The following CADPS2 variants were observed in gnomAD, a reference collection of about 807,000 sequenced individuals.
The protein encoded by CADPS2 is calcium dependent secretion activator 2.
In CADPS2, 93 loss-of-function variants were observed where a neutral mutation model predicts 172.5. The observed-to-expected ratio is 0.54, with a 90% CI of 0.46 to 0.64. The LOEUF is 0.64. Ranked by LOEUF, CADPS2 falls within the 30% of genes least tolerant of loss-of-function variation. The probability of loss-of-function intolerance (pLI) is 0.00; values close to 1 mark genes in which losing one functional copy is unlikely to be tolerated. For missense variants in CADPS2, 1,420 were observed against 1,565.9 expected, an observed-to-expected ratio of 0.91 and a Z score of 1.57; for synonymous variants, 546 against 555.2, an observed-to-expected ratio of 0.98 and a Z score of 0.23.
intron 28 of CADPS2, 90 bp from the exon 29 acceptor site, chr7:122,325,671 G>A (rs1333527106): frequency 1.4e-6 from 1 of 731,890 alleles, no homozygotes. Context: ...TAATGAGGGG[G>A]TAATAAAACA....
chr7:122,745,519 T>C lies in CADPS2; in HGVS notation c.340-8451A>G, dbSNP rs551726493. Among the ~76,000 whole-genome samples the C allele has an allele frequency of 1.5e-4, 23 of 151,774 alleles. No homozygotes were observed. In the East Asian group the frequency reaches 2.8e-3, roughly 18 times the overall value. On this transcript the variant is annotated intron_variant, in intron 1 of 29. Coordinates refer to ENST00000449022, the MANE Select transcript of CADPS2 (RefSeq NM_017954.11). Reference sequence around the variant, plus strand: ...GTTTATCCCTACGCAATGTGTTGTATACAGCTTGTAGGCATTTATTTGCTT... The same window carrying C: ...GTTTATCCCTACGCAATGTGTTGTACACAGCTTGTAGGCATTTATTTGCTT...
At position 122,340,730 on chromosome 7, in the gene CADPS2, G is replaced by T. The variant is rs142754440; in HGVS notation, c.3612+4844C>A. ...TGCCTGGGAAGAAACATCACAGTAG[G>T]CATTAAAAATGGAATTGAAGAATTA... On this transcript the variant is annotated intron_variant, in intron 28 of 29. Coordinates refer to ENST00000449022, the MANE Select transcript of CADPS2 (RefSeq NM_017954.11). 2.3e-3 allele frequency among the ~76,000 whole-genome samples: 345 copies of T among 152,080 alleles called. 1 individual carries two copies. Among genetic ancestry groups the T allele is most frequent in the African/African-American group, 8.1e-3 (335 of 41,488 alleles).
chr7:122,841,142 A>G (rs938344123), intron 1 of CADPS2, among the ~76,000 whole-genome samples: 10 of 152,200 alleles, frequency 6.6e-5, no homozygotes, highest in Non-Finnish European at 1.3e-4. Flanking sequence ...GTTAATGCCT[A>G]TATTTCTTGG....
chr7:122,581,219 C>T lies in CADPS2; in HGVS notation c.1295G>A (p.Ser432Asn). 2 of 1,613,284 alleles carry T rather than the reference C, an allele frequency of 1.2e-6. No homozygotes were observed. The highest frequency in any genetic ancestry group is 1.7e-6 in the Non-Finnish European group (2 of 1,179,420). ...ATCTTCCAGGGCCAGAACTCCAGTG[C>T]TTTCTGTGAAGAGTTTCACTTTGAC... The part of the protein sequence containing the change: ...PVVKVKLFTE[S>N]TGVLALEDKE... Residue 432 changes from serine (S) to asparagine (N), a missense_variant, in exon 7 of 30, where the codon AGC becomes AAC. Transcript: ENST00000449022.
At chr7:122,429,913 CACAA>C (rs925649958) in intron 17 of CADPS2, among the ~76,000 whole-genome samples, 10 of 151,762 alleles carry the variant, frequency 6.6e-5, no homozygotes, top group African/African-American at 2.2e-4. Context: ...GGCCTCTAGA[CACAA>C]ACATTCTTAA....
At chr7:122,812,104 C>T (rs1161659869) in intron 1 of CADPS2, among the ~76,000 whole-genome samples, 1 of 151,670 alleles carries the variant, frequency 6.6e-6, no homozygotes, top group Non-Finnish European at 1.5e-5. Flanking sequence ...TTCTACTTGT[C>T]CTAATGTCTT....
In CADPS2 at chr7:122,513,258, A is replaced by C; in HGVS notation, c.1533T>G (p.Val511=). 1 of 1,559,708 alleles carries C rather than the reference A, an allele frequency of 6.4e-7. No homozygotes were observed. Among genetic ancestry groups the C allele is most frequent in the Non-Finnish European group, 8.7e-7 (1 of 1,150,254 alleles). The stretch of plus-strand genomic sequence containing the variant: ...GGAAAAAATGACTAACCTGAACTAG[A>C]ACAAAGTAACGTTTTTTCCATCTTT... The part of the protein sequence containing the change: ...VWKRWKKRYF[V]LVQVSQYTFA... Residue 511 remains valine, a synonymous_variant, in exon 9 of 30, where the codon GTT becomes GTG. Transcript: ENST00000449022.
At chr7:122,356,185 T>C (rs896213179) in intron 27 of CADPS2, among the ~76,000 whole-genome samples, 36 of 152,212 alleles carry the variant, frequency 2.4e-4, no homozygotes, top group African/African-American at 8.7e-4. Context: ...AGTAATTTGG[T>C]CTCCTTGGAC....
intron 6 of CADPS2, among the ~76,000 whole-genome samples, chr7:122,589,052 C>CT (rs2070281175): frequency 6.6e-6 from 1 of 151,890 alleles, no homozygotes; most frequent in Admixed American, 6.6e-5. Flanking sequence ...TGCCAATGAG[C>CT]TGTAGTATCC....
rs1371386531 is a variant in CADPS2 at position 122,543,613 on chromosome 7, G to C, written c.1475+10937C>G. ...CTGAGCTGGTGAGACAAATAGGAGG[G>C]TGGATGTTATAATTTTATAGTAGGG... is the stretch of plus-strand genomic sequence containing the variant. On this transcript the variant is annotated intron_variant, in intron 8 of 29. Coordinates refer to ENST00000449022, the MANE Select transcript of CADPS2 (RefSeq NM_017954.11). 4.6e-5 allele frequency among the ~76,000 whole-genome samples: 7 copies of C among 152,114 alleles called. No individual in the cohort carries two copies. In the East Asian group the frequency reaches 1.4e-3, roughly 29 times the overall value.
intron 7 of CADPS2, among the ~76,000 whole-genome samples, chr7:122,580,881 T>G (rs1393868551): frequency 6.6e-6 from 1 of 152,072 alleles, no homozygotes; most frequent in African/African-American, 2.4e-5. Flanking sequence ...AAGAGCAAGT[T>G]GGCCAGCACC....
chr7:122,403,189 T>C (rs1168998190), intron 20 of CADPS2, among the ~76,000 whole-genome samples: 3 of 152,092 alleles, frequency 2.0e-5, no homozygotes, highest in South Asian at 2.1e-4. Context: ...GGAAGAATTA[T>C]GTTTTATCAG....
At chr7:122,424,697 G>A (rs1377475424) in intron 17 of CADPS2, among the ~76,000 whole-genome samples, 1 of 152,200 alleles carries the variant, frequency 6.6e-6, no homozygotes, top group Non-Finnish European at 1.5e-5. Flanking sequence ...TTATGAGGCG[G>A]GAAACACATT....
chr7:122,790,296 G>A (rs1010428663), intron 1 of CADPS2, among the ~76,000 whole-genome samples: 6 of 151,188 alleles, frequency 4.0e-5, no homozygotes, highest in Admixed American at 1.3e-4. Flanking sequence ...CTACTCAAGA[G>A]GCTAAAGCAG....
intron 27 of CADPS2, among the ~76,000 whole-genome samples, chr7:122,352,781 T>C (rs1455195887): frequency 2.0e-5 from 3 of 152,226 alleles, no homozygotes; most frequent in Non-Finnish European, 4.4e-5. Flanking sequence ...AAAACACTAA[T>C]GTCACTGAAC....
intron 1 of CADPS2, among the ~76,000 whole-genome samples, chr7:122,778,559 G>A (rs2139311789): frequency 6.6e-6 from 1 of 152,216 alleles, no homozygotes; most frequent in East Asian, 1.9e-4. Context: ...AGGAAAAAAT[G>A]GTTTTGTGGA....
At chr7:122,611,942 GA>G (rs2074347947) in intron 6 of CADPS2, among the ~76,000 whole-genome samples, 1 of 151,882 alleles carries the variant, frequency 6.6e-6, no homozygotes, top group East Asian at 1.9e-4. Context: ...CATATCAACA[GA>G]ATAAAAGACA....
intron 8 of CADPS2, among the ~76,000 whole-genome samples, chr7:122,533,875 T>C (rs372080489): frequency 3.7e-4 from 56 of 152,282 alleles, no homozygotes; most frequent in African/African-American, 1.3e-3. Flanking sequence ...CCAGTGCAGA[T>C]GTTAATTTGT....
At chr7:122,850,363 G>C (rs1166424657) in intron 1 of CADPS2, 6 of 371,022 alleles carry the variant, frequency 1.6e-5, no homozygotes, top group Middle Eastern at 7.5e-4. Flanking sequence ...TCACCACCTA[G>C]GGGGGTGACA....
Sources: gnomAD v4.1 joint callset for allele counts (sites outside exome capture counted in the v4.1 genomes callset) on GRCh38, gnomAD v4.1.1 for gene constraint, MANE v1.5 for transcripts, NCBI Gene and HGNC (gene_info 2026-07-23, HGNC 2026-07-21) for gene names.